Variants in MARCHF1 observed in about 807,000 individuals in gnomAD.
MARCHF1 encodes membrane associated ring-CH-type finger 1.
Under a neutral mutation model 54.2 loss-of-function variants are expected in MARCHF1, and 40 were observed. The ratio of observed to expected loss-of-function variants is 0.74; its 90% CI spans 0.57 to 0.96. MARCHF1 has a LOEUF of 0.96. MARCHF1 is among the 40% of genes least tolerant of loss of function. The pLI, the probability that MARCHF1 is intolerant of heterozygous loss-of-function variation, is 0.00. For missense variants in MARCHF1, 586 were observed against 656.5 expected, an observed-to-expected ratio of 0.89 and a Z score of 1.17; for synonymous variants, 236 against 236.3, an observed-to-expected ratio of 1.00 and a Z score of 0.01.
intron 4 of MARCHF1, among the ~76,000 whole-genome samples, chr4:163,813,706 C>A (rs1748455977): frequency 6.6e-6 from 1 of 152,048 alleles, no homozygotes; most frequent in South Asian, 2.1e-4. Context: ...TACTATACAT[C>A]CTAGACACCA....
chr4:164,107,077 C>G (rs1006162143), intron 2 of MARCHF1, among the ~76,000 whole-genome samples: 5 of 152,138 alleles, frequency 3.3e-5, no homozygotes, highest in Admixed American at 6.5e-5. Context: ...AACTGCTATC[C>G]TTTCTTTTAG....
chr4:164,207,825 G>C (rs1731655245), intron 1 of MARCHF1, among the ~76,000 whole-genome samples: 1 of 152,164 alleles, frequency 6.6e-6, no homozygotes, highest in South Asian at 2.1e-4. Flanking sequence ...TCGGAGGGTG[G>C]AGAGTGGGAG....
chr4:164,162,031 G>T (rs1236711803), intron 1 of MARCHF1, among the ~76,000 whole-genome samples: 2 of 152,012 alleles, frequency 1.3e-5, no homozygotes, highest in Non-Finnish European at 2.9e-5. Context: ...AACACTAAAA[G>T]AAATAGAAAA....
At chr4:163,829,134 A>T (rs1253240291) in intron 4 of MARCHF1, 1 of 152,160 alleles carries the variant, frequency 6.6e-6, no homozygotes, top group Non-Finnish European at 1.5e-5. Context: ...GGGGAAAGAG[A>T]ACTCAAAAAT....
intron 5 of MARCHF1, among the ~76,000 whole-genome samples, chr4:163,635,905 T>C (rs1201247808): frequency 1.3e-5 from 2 of 152,178 alleles, no homozygotes; most frequent in Non-Finnish European, 2.9e-5. Flanking sequence ...CATGATCAAG[T>C]GGGCTTCATC....
intron 2 of MARCHF1, among the ~76,000 whole-genome samples, chr4:164,095,688 C>G (rs1316730698): frequency 6.6e-6 from 1 of 151,886 alleles, no homozygotes; most frequent in Non-Finnish European, 1.5e-5. Context: ...TGAAATTATT[C>G]TAAAAGTAAA....
intron 2 of MARCHF1, among the ~76,000 whole-genome samples, chr4:164,035,410 C>T (rs1232117591): frequency 7.3e-5 from 11 of 151,560 alleles, no homozygotes; most frequent in Admixed American, 6.6e-4. Context: ...ATAACAGTCA[C>T]TACCCAAACC....
intron 1 of MARCHF1, among the ~76,000 whole-genome samples, chr4:164,213,206 A>T (rs1365274754): frequency 1.3e-4 from 2 of 15,534 alleles, no homozygotes; most frequent in South Asian, 1.7e-3. Context: ...TTTTACTTTT[A>T]TTATTATTAT....
At chr4:163,911,524 T>C (rs951817148) in intron 3 of MARCHF1, among the ~76,000 whole-genome samples, 4 of 152,136 alleles carry the variant, frequency 2.6e-5, no homozygotes, top group African/African-American at 7.2e-5. Context: ...AATTACAGCA[T>C]TTGAACATCC....
At chr4:163,958,145 T>G (rs1041056893) in intron 3 of MARCHF1, among the ~76,000 whole-genome samples, 8 of 152,002 alleles carry the variant, frequency 5.3e-5, no homozygotes, top group Non-Finnish European at 1.0e-4. Context: ...AGGAACATCT[T>G]TGCCTTCAGA....
chr4:164,256,502 CAAAAT>C (rs1222164978), intron 1 of MARCHF1, among the ~76,000 whole-genome samples: 5 of 139,756 alleles, frequency 3.6e-5, no homozygotes, highest in Non-Finnish European at 6.3e-5. Context: ...AATTGACTAA[CAAAAT>C]AAAAGGCATT....
intron 4 of MARCHF1, among the ~76,000 whole-genome samples, chr4:163,727,852 AT>A (rs1368838977): frequency 6.6e-6 from 1 of 150,850 alleles, no homozygotes; most frequent in South Asian, 2.1e-4. Flanking sequence ...TTATTGTTTT[AT>A]TTTTTTAATT....
chr4:164,021,869 A>C (rs972530843), intron 2 of MARCHF1, among the ~76,000 whole-genome samples: 1 of 149,016 alleles, frequency 6.7e-6, no homozygotes, highest in Non-Finnish European at 1.5e-5. Flanking sequence ...AAAAAAAATT[A>C]TATATATATA....
At chr4:164,013,370 A>G (rs1753466045) in intron 2 of MARCHF1, among the ~76,000 whole-genome samples, 1 of 152,142 alleles carries the variant, frequency 6.6e-6, no homozygotes. Context: ...AGAAAAAAGG[A>G]TAGAAGGAGA....
chr4:164,038,443 A>G (rs1754057563), intron 2 of MARCHF1, among the ~76,000 whole-genome samples: 1 of 152,222 alleles, frequency 6.6e-6, no homozygotes, highest in African/African-American at 2.4e-5. Flanking sequence ...CAGTGAGTGG[A>G]GATTGTGCCA....
chr4:164,266,033 G>A (rs369917247), intron 1 of MARCHF1, among the ~76,000 whole-genome samples: 6 of 152,202 alleles, frequency 3.9e-5, no homozygotes, highest in East Asian at 1.9e-4. Context: ...CTGTTTGTTC[G>A]CTCCTGCCAC....
At chr4:164,262,768 A>C (rs1466464758) in intron 1 of MARCHF1, among the ~76,000 whole-genome samples, 1 of 152,164 alleles carries the variant, frequency 6.6e-6, no homozygotes, top group Non-Finnish European at 1.5e-5. Context: ...TTTTCTCCCC[A>C]TCCACTTTAG....
intron 4 of MARCHF1, among the ~76,000 whole-genome samples, chr4:163,724,451 G>T (rs1158746617): frequency 6.6e-6 from 1 of 152,188 alleles, no homozygotes; most frequent in Admixed American, 6.5e-5. Context: ...GGCTACTTGG[G>T]GGTCAGGGAC....
intron 1 of MARCHF1, among the ~76,000 whole-genome samples, chr4:164,143,007 G>A (rs920507247): frequency 6.6e-4 from 100 of 151,250 alleles, no homozygotes; most frequent in African/African-American, 2.2e-3. Flanking sequence ...ACCAAGGCTC[G>A]AGAACTAAGT....
Sources: gnomAD v4.1 joint callset for allele counts (sites outside exome capture counted in the v4.1 genomes callset) on GRCh38, gnomAD v4.1.1 for gene constraint, MANE v1.5 for transcripts, NCBI Gene and HGNC (gene_info 2026-07-23, HGNC 2026-07-21) for gene names.